Variants in UBAP2L observed in about 807,000 individuals in gnomAD.
The protein encoded by UBAP2L is ubiquitin-associated protein 2-like.
UBAP2L carries 12 observed loss-of-function variants against 130.6 expected under a neutral mutation model. That is an observed-to-expected ratio of 0.09 (90% CI 0.06 to 0.15). The LOEUF (loss-of-function observed/expected upper bound fraction) is 0.15, where lower values mean the gene tolerates loss of function less well. Ranked by LOEUF, UBAP2L falls within the 10% of genes least tolerant of loss-of-function variation. The pLI is 1.00. For missense variants in UBAP2L, 965 were observed against 1,332.5 expected (o/e 0.72, Z 4.29); for synonymous variants, 503 against 524.7 (o/e 0.96, Z 0.57).
Position 154,249,523 on chromosome 1 carries a change from G to A in UBAP2L, c.1213+86G>A. 3.3e-6 allele frequency: 5 copies of A among 1,530,744 alleles called. No individual in the cohort carries two copies. The African/African-American group carries it at 4.1e-5, about 13-fold the overall frequency. The allele number at this position is 1,530,744 out of a possible 1,614,324, so 94.8% of individuals were successfully genotyped here. ...AGCAGGGGGAGGGGGTGGAGAATGT[G>A]TCCTGAAGTGAAGAAAAGGGGCAGC... is the stretch of plus-strand genomic sequence containing the variant. On this transcript the variant is annotated intron_variant, in intron 12 of 26. Transcript: ENST00000428931.
chr1:154,243,169 A>C lies in UBAP2L; in HGVS notation c.757-48A>C, dbSNP rs775496593. The C allele has an allele frequency of 1.1e-5, 17 of 1,542,118 alleles. No homozygotes were observed. In the Admixed American group the frequency reaches 2.9e-4, roughly 26 times the overall value. ...TCCCCTTACCTATGCCAAGTTTCTGACTGTAGCATCCCTGACACCAAGAGT... is the reference window on the plus strand; with the variant it reads ...TCCCCTTACCTATGCCAAGTTTCTGCCTGTAGCATCCCTGACACCAAGAGT... On this transcript the variant is annotated intron_variant, in intron 9 of 26. Transcript: ENST00000428931.
chr1:154,230,276 G>A (rs1187926799), intron 4 of UBAP2L, among the ~76,000 whole-genome samples: 1 of 152,220 alleles, frequency 6.6e-6, no homozygotes, highest in African/African-American at 2.4e-5. Context: ...CAAAATGTTA[G>A]GATTACAGGC....
In UBAP2L at chr1:154,236,442, G is replaced by T. The variant is rs148311699; in HGVS notation, c.545-124G>T. 1.2e-5 allele frequency: 12 copies of T among 969,714 alleles called. No individual in the cohort carries two copies. In the East Asian group the frequency reaches 1.9e-4, roughly 16 times the overall value. 60.1% of individuals were successfully genotyped at this position (969,714 alleles called of 1,614,324 possible). ...TCGAACTTCTGGATGCAACCAATCC[G>T]CCCGCCCTCAGCCTTTCAAAGTGCT... On this transcript the variant is annotated intron_variant, in intron 6 of 26. Transcript: ENST00000428931.
rs1346807633 is a variant in UBAP2L, at chr1:154,258,888, TG to T, written c.2443-88del. On this transcript the variant is annotated intron_variant, in intron 20 of 26. Coordinates refer to ENST00000428931, the MANE Select transcript of UBAP2L (RefSeq NM_014847.4). ...TGTTCTAACCCAGAATGAGGATGAATGTTCTGTTGAATTAGCTTGTCTCTTG... is the reference window on the plus strand; with the variant it reads ...TGTTCTAACCCAGAATGAGGATGAATTTCTGTTGAATTAGCTTGTCTCTTG... 5 of 1,036,898 alleles carry T rather than the reference TG, an allele frequency of 4.8e-6. No individual in the cohort carries two copies. In the Admixed American group the frequency reaches 7.3e-5, roughly 15 times the overall value. 64.2% of individuals were successfully genotyped at this position (1,036,898 alleles called of 1,614,324 possible). A position where few individuals can be genotyped will look rare whatever the true frequency, so the allele number is the denominator to read the frequency against.
chr1:154,270,757 TG>T lies in UBAP2L; in HGVS notation c.*464del, dbSNP rs1684571798. On this transcript the variant is annotated 3_prime_UTR_variant, in exon 27 of 27. Transcript: ENST00000428931. Reference sequence around the variant, plus strand: ...GCATTGTCAGATGAATTAGTTGAAGTGGTTTTTTTTTTGTTTTTTTTTTTTT... The same window carrying T: ...GCATTGTCAGATGAATTAGTTGAAGTGTTTTTTTTTTGTTTTTTTTTTTTT... 2.3e-5 allele frequency: 32 copies of T among 1,402,070 alleles called. No individual in the cohort carries two copies. Among genetic ancestry groups the T allele is most frequent in the Middle Eastern group, 2.2e-4 (1 of 4,554 alleles). The allele number at this position is 1,402,070 out of a possible 1,614,324, so 86.9% of individuals were successfully genotyped here.
At chr1:154,267,709 G>A (rs1471868853) in intron 25 of UBAP2L, among the ~76,000 whole-genome samples, 1 of 151,474 alleles carries the variant, frequency 6.6e-6, no homozygotes, top group African/African-American at 2.4e-5. Context: ...GCCCAGGCTC[G>A]TCTCGAACTC....
intron 11 of UBAP2L, among the ~76,000 whole-genome samples, chr1:154,248,539 G>A (rs1402768414): frequency 6.6e-6 from 1 of 152,166 alleles, no homozygotes; most frequent in East Asian, 1.9e-4. Context: ...ATTCTCGGCT[G>A]GGTGTGATGG....
intron 18 of UBAP2L, among the ~76,000 whole-genome samples, chr1:154,256,514 G>T (rs752700906): frequency 2.0e-5 from 3 of 152,024 alleles, no homozygotes; most frequent in Admixed American, 6.6e-5. Flanking sequence ...TGGTACATTC[G>T]TAGAGTCCTA....
chr1:154,227,217 TAG>T (rs1185700149), intron 2 of UBAP2L, 63 bp from the exon 3 acceptor site: 3 of 1,419,024 alleles, frequency 2.1e-6, no homozygotes, highest in Non-Finnish European at 2.0e-6. Flanking sequence ...GCTGACGAAA[TAG>T]GTTCCTGTTC....
At chr1:154,261,799 T>G in intron 24 of UBAP2L, 102 bp downstream of exon 24, 4 of 1,183,498 alleles carry the variant, frequency 3.4e-6, no homozygotes, top group Non-Finnish European at 5.0e-6. Flanking sequence ...TTGGTGAGGG[T>G]GTGCCGCTGC....
upstream of UBAP2L, chr1:154,220,281 A>G: frequency 6.3e-7 from 1 of 1,594,470 alleles, no homozygotes; most frequent in Non-Finnish European, 8.6e-7. Context: ...GTACAGCTCA[A>G]AAGGAGGGTC....
chr1:154,246,195 C>A lies in UBAP2L; in HGVS notation c.843-9C>A. On this transcript the variant is annotated splice_polypyrimidine_tract_variant and intron_variant, in intron 10 of 26. Coordinates refer to ENST00000428931, the MANE Select transcript of UBAP2L (RefSeq NM_014847.4). ...ATTCTTCATGAAGATCCCTTCCCTT[C>A]CCCATTAGAATTGACCTTGCTGTTC... The A allele has an allele frequency of 6.3e-7, 1 of 1,595,976 alleles. No homozygotes were observed. Among genetic ancestry groups the A allele is most frequent in the Non-Finnish European group, 8.6e-7 (1 of 1,166,068 alleles).
intron 21 of UBAP2L, 128 bp downstream of exon 21, chr1:154,259,158 A>C: frequency 1.2e-6 from 1 of 809,130 alleles, no homozygotes; most frequent in Non-Finnish European, 2.0e-6. Flanking sequence ...AAGGCATATT[A>C]GAATATAGGG....
At chr1:154,225,533 G>C (rs1053988983) in intron 2 of UBAP2L, among the ~76,000 whole-genome samples, 1 of 151,772 alleles carries the variant, frequency 6.6e-6, no homozygotes, top group Non-Finnish European at 1.5e-5. Flanking sequence ...CAGTGGCACA[G>C]TCACCATTCA....
chr1:154,270,616 G>A lies in UBAP2L; in HGVS notation c.*321G>A. On this transcript the variant is annotated 3_prime_UTR_variant, in exon 27 of 27. Coordinates refer to ENST00000428931, the MANE Select transcript of UBAP2L (RefSeq NM_014847.4). ...GTTCACCCTGGTGGTGTACGGATGA[G>A]GCGGGGAGGTGGGACCCCCAAACAT... 7.1e-7 allele frequency: 1 copy of A among 1,414,158 alleles called. No homozygotes were observed. The highest frequency in any genetic ancestry group is 1.6e-5 in the South Asian group (1 of 62,566). 87.6% of individuals were successfully genotyped at this position (1,414,158 alleles called of 1,614,324 possible).
At chr1:154,252,807 C>T (rs1299724718) in intron 14 of UBAP2L, among the ~76,000 whole-genome samples, 1 of 152,226 alleles carries the variant, frequency 6.6e-6, no homozygotes, top group East Asian at 1.9e-4. Context: ...GATCTGCCCA[C>T]CTTGGCCTCC....
rs1042358536 is a variant in UBAP2L at position 154,261,813 on chromosome 1, A to G, written c.2902+116A>G. 1.6e-5 allele frequency: 16 copies of G among 1,027,016 alleles called. No homozygotes were observed. The African/African-American group carries it at 2.2e-4, about 14-fold the overall frequency. The allele number at this position is 1,027,016 out of a possible 1,614,324, so 63.6% of individuals were successfully genotyped here. ...ATTGGTGAGGGTGTGCCGCTGCCCC[A>G]GGTATGATTGTTAATGCTTGGCTGA... is the stretch of plus-strand genomic sequence containing the variant. On this transcript the variant is annotated intron_variant, in intron 24 of 26. Transcript: ENST00000428931.
chr1:154,258,644 G>C (rs951666838), intron 20 of UBAP2L: 2 of 169,260 alleles, frequency 1.2e-5, no homozygotes, highest in African/African-American at 4.8e-5. Context: ...TTTTAAGCCA[G>C]ATTTTGAAGA....
chr1:154,268,858 T>G lies in UBAP2L; in HGVS notation c.3072T>G (p.Ala1024=). ...GGGGCCCCATCAATCCGGCCACAGC[T>G]GCTGCCTACCCACCTGCCCCCTTTA... is the stretch of plus-strand genomic sequence containing the variant. ...GSGGPINPAT[A]AAYPPAPFMH... Residue 1024 remains alanine (A), a synonymous_variant, in exon 26 of 27, where the codon GCT becomes GCG. Coordinates refer to ENST00000428931, the MANE Select transcript of UBAP2L (RefSeq NM_014847.4). The G allele has an allele frequency of 6.2e-7, 1 of 1,614,188 alleles. No homozygotes were observed. Among genetic ancestry groups the G allele is most frequent in the Non-Finnish European group, 8.5e-7 (1 of 1,180,030 alleles).
Sources: allele counts gnomAD v4.1 joint callset (sites outside exome capture counted in the v4.1 genomes callset), GRCh38; gene constraint gnomAD v4.1.1; transcripts MANE v1.5; gene names NCBI Gene and HGNC (gene_info 2026-07-23, HGNC 2026-07-21).